Variants in GFOD1 observed in about 807,000 individuals in gnomAD.
The protein encoded by GFOD1 is Gfo/Idh/MocA-like oxidoreductase domain containing 1, also known as glucose-fructose oxidoreductase domain-containing protein 1.
A neutral mutation model predicts 25.4 loss-of-function variants in GFOD1; 9 were observed. That is an observed-to-expected ratio of 0.35 (90% CI 0.21 to 0.62). The LOEUF (loss-of-function observed/expected upper bound fraction) is 0.62. Among genes scored for constraint, GFOD1 ranks in the 20% least tolerant of loss-of-function variants. The pLI is 0.72. For synonymous variants in GFOD1, 253 were observed against 245.6 expected, an observed-to-expected ratio of 1.03 and a Z score of -0.28; for missense variants, 403 against 556.9, an observed-to-expected ratio of 0.72 and a Z score of 2.78.
chr6:13,467,182 C>T (rs1758393231), intron 1 of GFOD1, among the ~76,000 whole-genome samples: 1 of 151,134 alleles, frequency 6.6e-6, no homozygotes, highest in African/African-American at 2.4e-5. Context: ...TAAAACAGCA[C>T]ATAAAAATAT....
chr6:13,395,933 T>C (rs1346947912), intron 1 of GFOD1, among the ~76,000 whole-genome samples: 1 of 152,206 alleles, frequency 6.6e-6, no homozygotes, highest in Non-Finnish European at 1.5e-5. Context: ...GTGGGGGATC[T>C]GAGCCTGGGA....
intron 1 of GFOD1, among the ~76,000 whole-genome samples, chr6:13,399,195 T>C (rs564811812): frequency 1.3e-5 from 2 of 152,096 alleles, no homozygotes; most frequent in South Asian, 2.1e-4. Context: ...AGGGGTGGCA[T>C]GTAGGGACAG....
intron 1 of GFOD1, among the ~76,000 whole-genome samples, chr6:13,418,925 A>G (rs1222967811): frequency 1.3e-5 from 2 of 152,238 alleles, no homozygotes; most frequent in Non-Finnish European, 2.9e-5. Context: ...AAGCCCTAGA[A>G]GGAAGTCAAA....
intron 1 of GFOD1, 143 bp downstream of exon 1, chr6:13,486,495 G>T: frequency 2.8e-6 from 2 of 709,198 alleles, no homozygotes; most frequent in Non-Finnish European, 4.6e-6. Context: ...GCTCTGAGTC[G>T]GATCTGGGAT....
intron 1 of GFOD1, among the ~76,000 whole-genome samples, chr6:13,442,046 T>G (rs1757925568): frequency 6.6e-6 from 1 of 152,074 alleles, no homozygotes; most frequent in Non-Finnish European, 1.5e-5. Context: ...CTTTGGGATG[T>G]AGGAGGAAAC....
At chr6:13,387,266 C>T (rs1360390237) in intron 1 of GFOD1, among the ~76,000 whole-genome samples, 1 of 152,104 alleles carries the variant, frequency 6.6e-6, no homozygotes, top group Non-Finnish European at 1.5e-5. Context: ...TTTTCATAGT[C>T]AAGGGAATGT....
At position 13,377,045 on chromosome 6, in the gene GFOD1, A is replaced by G. The variant is rs375956446; in HGVS notation, c.254-11383T>C. On this transcript the variant is annotated intron_variant, in intron 1 of 1. Coordinates refer to ENST00000379287, the MANE Select transcript of GFOD1 (RefSeq NM_018988.4). ...TTTTTTTTTTTTTTTAAAAGCCAAT[A>G]TATTTCACACAGTCCTAAGTTTTGG... Among the ~76,000 whole-genome samples, 43 of 150,682 alleles carry G rather than the reference A, an allele frequency of 2.9e-4. 1 individual carries two copies. The East Asian group carries it at 3.5e-3, about 12-fold the overall frequency.
chr6:13,388,837 T>C (rs550654779), intron 1 of GFOD1, among the ~76,000 whole-genome samples: 1 of 152,192 alleles, frequency 6.6e-6, no homozygotes, highest in African/African-American at 2.4e-5. Context: ...ACCTACAGAA[T>C]GGGAAAAAAT....
At chr6:13,373,773 C>CACACACACACACACACA (rs1562195953) in intron 1 of GFOD1, among the ~76,000 whole-genome samples, 1 of 122,398 alleles carries the variant, frequency 8.2e-6, no homozygotes, top group East Asian at 2.6e-4. Context: ...CACACACACA[C>CACACACACACACACACA]TACGCTTTTT....
intron 1 of GFOD1, among the ~76,000 whole-genome samples, chr6:13,464,133 T>C (rs914716884): frequency 2.0e-5 from 3 of 152,210 alleles, no homozygotes; most frequent in Non-Finnish European, 2.9e-5. Context: ...ATGACTCAGA[T>C]CACGAGAGAG....
intron 1 of GFOD1, among the ~76,000 whole-genome samples, chr6:13,479,194 A>T (rs1584676840): frequency 6.6e-6 from 1 of 152,230 alleles, no homozygotes; most frequent in South Asian, 2.1e-4. Flanking sequence ...CTCACTTAAA[A>T]ATTTTTAAAA....
chr6:13,402,600 G>A (rs1391237497), intron 1 of GFOD1, among the ~76,000 whole-genome samples: 1 of 152,082 alleles, frequency 6.6e-6, no homozygotes, highest in African/African-American at 2.4e-5. Flanking sequence ...CAGTCTTTAG[G>A]GAAATGCAAA....
At position 13,359,696 on chromosome 6, in the gene GFOD1, C is replaced by T. The variant is rs1049107154; in HGVS notation, c.*5047G>A. The T allele has an allele frequency of 1.3e-5, 2 of 152,184 alleles. No homozygotes were observed. The highest frequency in any genetic ancestry group is 4.8e-5 in the African/African-American group (2 of 41,444). The allele number at this position is 152,184 out of a possible 1,614,324, so 9.4% of individuals were successfully genotyped here. A position where few individuals can be genotyped will look rare whatever the true frequency, so the allele number is the denominator to read the frequency against. On this transcript the variant is annotated 3_prime_UTR_variant, in exon 2 of 2. Coordinates refer to ENST00000379287, the MANE Select transcript of GFOD1 (RefSeq NM_018988.4). ...GGGCACGGTGGATCACGCCTGTCATCCCAGCACTTTGGGAGGTCAAGGCGG... is the reference window on the plus strand; with the variant it reads ...GGGCACGGTGGATCACGCCTGTCATTCCAGCACTTTGGGAGGTCAAGGCGG...
intron 1 of GFOD1, among the ~76,000 whole-genome samples, chr6:13,382,463 A>C (rs1785386720): frequency 6.6e-6 from 1 of 152,088 alleles, no homozygotes; most frequent in South Asian, 2.1e-4. Context: ...CCACCATGTA[A>C]GATGTGACTT....
intron 1 of GFOD1, among the ~76,000 whole-genome samples, chr6:13,443,099 T>A (rs148977535): frequency 1.0e-3 from 154 of 152,294 alleles, no homozygotes; most frequent in East Asian, 5.8e-4. Flanking sequence ...CAAATCCCCA[T>A]GAATGACTTT....
rs968482830 is a variant in GFOD1 at position 13,430,900 on chromosome 6, C to T, written c.253+55738G>A. Among the ~76,000 whole-genome samples the T allele has an allele frequency of 6.6e-6, 1 of 152,210 alleles. No homozygotes were observed. Among genetic ancestry groups the T allele is most frequent in the African/African-American group, 2.4e-5 (1 of 41,452 alleles). The stretch of plus-strand genomic sequence containing the variant: ...TCTCCAACTTTTCAGGTAACCTTCT[C>T]CTGCCCTCTCTACAGTCCAGCCATC... On this transcript the variant is annotated intron_variant, in intron 1 of 1. Transcript: ENST00000379287. This position sits in a 1 kb window ranked among gnomAD's most constrained non-coding sequence, Gnocchi z 4.1.
intron 1 of GFOD1, among the ~76,000 whole-genome samples, chr6:13,459,066 C>T (rs9382113): frequency 0.15 from 23,406 of 152,050 alleles, 2,040 homozygotes; most frequent in South Asian, 0.26. Flanking sequence ...TGAGGTCTAA[C>T]GGTAGGTGCC....
chr6:13,459,852 T>C (rs528350084), intron 1 of GFOD1, among the ~76,000 whole-genome samples: 1 of 152,134 alleles, frequency 6.6e-6, no homozygotes, highest in African/African-American at 2.4e-5. Context: ...AAGAGGCTCA[T>C]TACAGGCATG....
At chr6:13,482,968 C>T (rs1758786168) in intron 1 of GFOD1, among the ~76,000 whole-genome samples, 1 of 150,332 alleles carries the variant, frequency 6.7e-6, no homozygotes, top group Admixed American at 6.6e-5. Context: ...GTTATATATA[C>T]ATATATATAT....
Sources: gnomAD v4.1 joint callset for allele counts (sites outside exome capture counted in the v4.1 genomes callset) on GRCh38, gnomAD v4.1.1 for gene constraint, Gnocchi (gnomAD v3.1) non-coding constraint, MANE v1.5 for transcripts, NCBI Gene and HGNC (gene_info 2026-07-23, HGNC 2026-07-21) for gene names.